CSMD1: variants seen among roughly 807,000 people sequenced by gnomAD.
The protein encoded by CSMD1 is CUB and Sushi multiple domains 1.
Under a neutral mutation model 417.5 loss-of-function variants are expected in CSMD1, and 213 were observed. The ratio of observed to expected loss-of-function variants is 0.51; its 90% confidence interval spans 0.46 to 0.57. CSMD1 has a LOEUF of 0.57. CSMD1 is among the 20% of genes least tolerant of loss of function. CSMD1 has a pLI of 0.00. For missense variants in CSMD1, 6,923 were observed against 4,529.7 expected (o/e 1.53, Z -15.17); for synonymous variants, 2,862 against 1,736.8 (o/e 1.65, Z -16.11).
chr8:4,899,646 G>A (rs1256017027), intron 1 of CSMD1, among the ~76,000 whole-genome samples: 1 of 152,014 alleles, frequency 6.6e-6, no homozygotes, highest in African/African-American at 2.4e-5. Flanking sequence ...CTGTAGTTTT[G>A]CAAAAATATA....
At chr8:3,296,604 G>A (rs1803987554) in intron 25 of CSMD1, among the ~76,000 whole-genome samples, 1 of 152,168 alleles carries the variant, frequency 6.6e-6, no homozygotes, top group African/African-American at 2.4e-5. Flanking sequence ...AACGTTTTGA[G>A]TAATCCAAGA....
chr8:3,501,183 G>T (rs1484107768), intron 10 of CSMD1, among the ~76,000 whole-genome samples: 2 of 152,074 alleles, frequency 1.3e-5, no homozygotes, highest in African/African-American at 2.4e-5. Flanking sequence ...TAAACCAAAA[G>T]AATCCAAATA....
chr8:3,983,102 G>T (rs944466375), intron 5 of CSMD1, among the ~76,000 whole-genome samples: 1 of 150,504 alleles, frequency 6.6e-6, no homozygotes, highest in Non-Finnish European at 1.5e-5. Context: ...AAACGCCTCA[G>T]ACATCGTTAT....
At chr8:3,439,311 T>TATATATATATATATATATATATATA in intron 12 of CSMD1, among the ~76,000 whole-genome samples, 1 of 36,294 alleles carries the variant, frequency 2.8e-5, no homozygotes, top group South Asian at 1.1e-3. Flanking sequence ...ATATATATAT[T>TATATATATATATATATATATATATA]TTTTTTTTTA....
intron 7 of CSMD1, among the ~76,000 whole-genome samples, chr8:3,702,552 C>G (rs1800929886): frequency 6.6e-6 from 1 of 152,182 alleles, no homozygotes; most frequent in African/African-American, 2.4e-5. Flanking sequence ...GAGTGCTGGC[C>G]AGGTGCGGTG....
intron 26 of CSMD1, among the ~76,000 whole-genome samples, chr8:3,256,668 C>T (rs1401356894): frequency 2.6e-5 from 4 of 152,204 alleles, no homozygotes; most frequent in Admixed American, 2.6e-4. Flanking sequence ...CCCACACTTC[C>T]AGAACTGGAT....
chr8:3,691,536 G>A (rs1800244640), intron 7 of CSMD1, among the ~76,000 whole-genome samples: 1 of 152,106 alleles, frequency 6.6e-6, no homozygotes, highest in African/African-American at 2.4e-5. Context: ...GGAAGCTCAG[G>A]ACCTACCTGA....
intron 3 of CSMD1, among the ~76,000 whole-genome samples, chr8:4,039,658 C>A (rs1585185307): frequency 6.6e-6 from 1 of 152,136 alleles, no homozygotes; most frequent in Non-Finnish European, 1.5e-5. Flanking sequence ...GTAATCAGAA[C>A]TGGCTGAGAA....
At chr8:4,758,237 G>A (rs550908785) in intron 1 of CSMD1, among the ~76,000 whole-genome samples, 3 of 152,208 alleles carry the variant, frequency 2.0e-5, no homozygotes, top group South Asian at 2.1e-4. Context: ...TGGGTAAGGA[G>A]GAAGCCCACC....
intron 5 of CSMD1, among the ~76,000 whole-genome samples, chr8:3,758,679 A>T (rs1797813131): frequency 6.6e-6 from 1 of 152,240 alleles, no homozygotes; most frequent in Admixed American, 6.5e-5. Context: ...AGAAGAAAAG[A>T]ATTCAACTGA....
chr8:3,281,794 C>G (rs891129622), intron 26 of CSMD1, among the ~76,000 whole-genome samples: 12 of 152,106 alleles, frequency 7.9e-5, no homozygotes, highest in African/African-American at 2.9e-4. Context: ...GATCTGCGTC[C>G]CCACCCATGT....
intron 3 of CSMD1, among the ~76,000 whole-genome samples, chr8:4,072,905 A>G (rs920548295): frequency 1.3e-5 from 2 of 152,168 alleles, no homozygotes; most frequent in African/African-American, 2.4e-5. Flanking sequence ...AGTCAAATCA[A>G]CACAACCTTG....
At chr8:4,751,213 C>A (rs1055969549) in intron 1 of CSMD1, among the ~76,000 whole-genome samples, 2 of 152,162 alleles carry the variant, frequency 1.3e-5, no homozygotes, top group African/African-American at 2.4e-5. Flanking sequence ...GGCGAAGACC[C>A]ATCTCTACTA....
chr8:3,655,671 T>G (rs80039148), intron 7 of CSMD1, among the ~76,000 whole-genome samples: 66,965 of 150,090 alleles, frequency 0.45, 16,109 homozygotes, highest in Non-Finnish European at 0.55. Flanking sequence ...TTTTTTTTTT[T>G]TTTTTTTTTT....
chr8:2,952,270 T>A (rs11782820), intron 65 of CSMD1, among the ~76,000 whole-genome samples: 57,515 of 152,080 alleles, frequency 0.38, 12,718 homozygotes, highest in Non-Finnish European at 0.5. Flanking sequence ...TGAAGATTCA[T>A]GTCTCCCTAA....
At chr8:4,087,958 G>C (rs1228664567) in intron 3 of CSMD1, among the ~76,000 whole-genome samples, 3 of 152,088 alleles carry the variant, frequency 2.0e-5, no homozygotes, top group Non-Finnish European at 4.4e-5. Flanking sequence ...AAGAACGGTG[G>C]TATCCAAGAG....
chr8:4,039,363 C>T (rs1585184715), intron 3 of CSMD1, among the ~76,000 whole-genome samples: 1 of 152,198 alleles, frequency 6.6e-6, no homozygotes, highest in Admixed American at 6.5e-5. Context: ...CTCTTCACCC[C>T]ACTCTCTCTC....
At chr8:4,537,193 G>A (rs574700621) in intron 2 of CSMD1, among the ~76,000 whole-genome samples, 52 of 152,152 alleles carry the variant, frequency 3.4e-4, no homozygotes, top group African/African-American at 1.1e-3. Context: ...TTATATATCA[G>A]CATTAAAGGG....
intron 1 of CSMD1, among the ~76,000 whole-genome samples, chr8:4,947,651 T>C (rs1294955430): frequency 1.3e-5 from 2 of 152,120 alleles, no homozygotes; most frequent in South Asian, 4.1e-4. Flanking sequence ...AGATAACCAC[T>C]TACATTTTGG....
Sources: gnomAD v4.1 joint callset for allele counts (sites outside exome capture counted in the v4.1 genomes callset) on GRCh38, gnomAD v4.1.1 for gene constraint, MANE v1.5 for transcripts, NCBI Gene and HGNC (gene_info 2026-07-23, HGNC 2026-07-21) for gene names.